The following FBXO47 variants were observed in gnomAD, a reference collection of about 807,000 sequenced individuals.
FBXO47 encodes F-box protein 47, also known as F-box only protein 47.
Under a neutral mutation model 53.9 loss-of-function variants are expected in FBXO47, and 34 were observed. That is an observed-to-expected ratio of 0.63 (90% confidence interval 0.48 to 0.84). FBXO47 has a LOEUF of 0.84. Ranked by LOEUF, FBXO47 falls within the 40% of genes least tolerant of loss-of-function variation. The pLI, the probability that FBXO47 is intolerant of heterozygous loss-of-function variation, is 0.00. For missense variants in FBXO47, 485 were observed against 541.3 expected (o/e 0.90, Z 1.03); for synonymous variants, 165 against 181.6 (o/e 0.91, Z 0.73).
At chr17:38,944,191 ATGTGTGTGTGTGTG>A (rs71141737) in intron 7 of FBXO47, among the ~76,000 whole-genome samples, 138 of 133,700 alleles carry the variant, frequency 1.0e-3, no homozygotes, top group African/African-American at 2.9e-3. Context: ...CAAAAAAAAC[ATGTGTGTGTGTGTG>A]TGTGTGTGTG....
In FBXO47 at chr17:38,944,995, A is replaced by G. The variant is rs1410911177; in HGVS notation, c.758T>C (p.Leu253Pro). The change falls in exon 7 of 11, where the codon CTG becomes CCG. Residue 253 changes from leucine to proline, a missense_variant. Transcript: ENST00000378079. Reference protein sequence around the residue: ...PWPMVNQARLLYIIFGPISPQ... With the variant: ...PWPMVNQARLPYIIFGPISPQ... ...AGATATTGGCCCAAAGATGATATACAGTAATCTTGCCTGATTCACCATTGG... is the reference window on the plus strand; with the variant it reads ...AGATATTGGCCCAAAGATGATATACGGTAATCTTGCCTGATTCACCATTGG... The G allele has an allele frequency of 6.2e-7, 1 of 1,613,992 alleles. No individual in the cohort carries two copies. The highest frequency in any genetic ancestry group is 8.5e-7 in the Non-Finnish European group (1 of 1,180,000).
intron 6 of FBXO47, among the ~76,000 whole-genome samples, chr17:38,946,343 AATATATAAAT>A (rs1390647005): frequency 3.8e-5 from 2 of 52,656 alleles, no homozygotes; most frequent in Admixed American, 6.4e-4. Context: ...AATATATATA[AATATATAAAT>A]ATATATAAAT....
chr17:38,941,620 T>TATATATATATA (rs372467875), intron 9 of FBXO47, among the ~76,000 whole-genome samples: 126 of 115,150 alleles, frequency 1.1e-3, no homozygotes, highest in East Asian at 2.0e-3. Flanking sequence ...AAATATAATA[T>TATATATATATA]TATATATATA....
In FBXO47 at chr17:38,947,058, A is replaced by ATAAATATATG. The variant is rs1567717661; in HGVS notation, c.617-1923_617-1922insCATATATTTA. On this transcript the variant is annotated intron_variant, in intron 6 of 10. Coordinates refer to ENST00000378079, the MANE Select transcript of FBXO47 (RefSeq NM_001008777.3). Reference sequence around the variant, plus strand: ...TATATGTAAATATATAAAAACATATATAAATATATATAAACATATATAAAC... The same window carrying ATAAATATATG: ...TATATGTAAATATATAAAAACATATATAAATATATGTAAATATATATAAACATATATAAAC... 6.4e-4 allele frequency among the ~76,000 whole-genome samples: 89 copies of ATAAATATATG among 138,718 alleles called. 1 individual carries two copies. In the East Asian group the frequency reaches 0.013, roughly 20 times the overall value. 91.0% of individuals were successfully genotyped at this position (138,718 alleles called of 152,430 possible). A position where few individuals can be genotyped will look rare whatever the true frequency, so the allele number is the denominator to read the frequency against.
chr17:38,946,355 T>G, intron 6 of FBXO47, among the ~76,000 whole-genome samples: 1 of 95,874 alleles, frequency 1.0e-5, no homozygotes, highest in Non-Finnish European at 1.8e-5. Flanking sequence ...TATATAAATA[T>G]ATATAAATAT....
At chr17:38,957,148 T>C in intron 4 of FBXO47, 29 bp downstream of exon 4, 1 of 1,391,398 alleles carries the variant, frequency 7.2e-7, no homozygotes, top group Non-Finnish European at 1.0e-6. Context: ...AAATCAAGAT[T>C]GTAAACTAAT....
chr17:38,940,748 T>C (rs902613061), intron 9 of FBXO47, among the ~76,000 whole-genome samples: 2 of 151,856 alleles, frequency 1.3e-5, no homozygotes, highest in African/African-American at 2.4e-5. Context: ...TGACCATAGC[T>C]CACTGCAGCT....
Position 38,938,564 on chromosome 17 carries a change from C to G in FBXO47, c.1243+9G>C. On this transcript the variant is annotated intron_variant, in intron 10 of 10. Transcript: ENST00000378079. ...CGCACACCTGTGCACCAAGTACATT[C>G]CTACTCACCAGACATAATTGATTGC... is the stretch of plus-strand genomic sequence containing the variant. 1 of 1,601,286 alleles carries G rather than the reference C, an allele frequency of 6.2e-7. No homozygotes were observed.
At position 38,945,122 on chromosome 17, in the gene FBXO47, G is replaced by C; in HGVS notation, c.631C>G (p.Leu211Val). ...VCSKPGSAQK[L>V]ELRIRLFCRN... ...CAGAAGAGTCTGATTCTTAACTCCA[G>C]TTTTTGGGCACTTCCTATGAAGACA... The change falls in exon 7 of 11, where the codon CTG becomes GTG. Residue 211 changes from leucine (L) to valine (V), a missense_variant. Coordinates refer to ENST00000378079, the MANE Select transcript of FBXO47 (RefSeq NM_001008777.3). 6.2e-7 allele frequency: 1 copy of C among 1,611,540 alleles called. No homozygotes were observed. Among genetic ancestry groups the C allele is most frequent in the African/African-American group, 1.3e-5 (1 of 74,964 alleles).
At chr17:38,963,148 T>C (rs1479835228) in intron 1 of FBXO47, 97 bp from the exon 2 acceptor site, 2 of 695,434 alleles carry the variant, frequency 2.9e-6, no homozygotes, top group Admixed American at 2.7e-5. Context: ...TAGTACGATA[T>C]GCAATAGCTG....
chr17:38,951,190 CCA>C (rs1353311810), intron 6 of FBXO47, among the ~76,000 whole-genome samples: 2 of 151,892 alleles, frequency 1.3e-5, no homozygotes, highest in Non-Finnish European at 2.9e-5. Flanking sequence ...GGCACCTGGC[CCA>C]CTATTTATTT....
At chr17:38,953,040 GC>G (rs753996876) in intron 5 of FBXO47, among the ~76,000 whole-genome samples, 7 of 151,138 alleles carry the variant, frequency 4.6e-5, no homozygotes, top group Non-Finnish European at 8.8e-5. Context: ...ACTTTGGGAG[GC>G]CGAGGCAAAT....
chr17:38,946,368 AGATATATATAT>A (rs1904833454), intron 6 of FBXO47, among the ~76,000 whole-genome samples: 32 of 91,588 alleles, frequency 3.5e-4, no homozygotes, highest in Non-Finnish European at 4.6e-4. Context: ...ATAAATATAT[AGATATATATAT>A]AAATATATAT....
chr17:38,964,714 G>A (rs1299755923), intron 1 of FBXO47, among the ~76,000 whole-genome samples: 2 of 152,078 alleles, frequency 1.3e-5, no homozygotes, highest in East Asian at 3.9e-4. Context: ...AATAGTCACT[G>A]ATGAATCTTA....
At chr17:38,947,911 C>T (rs1905020505) in intron 6 of FBXO47, among the ~76,000 whole-genome samples, 1 of 151,058 alleles carries the variant, frequency 6.6e-6, no homozygotes, top group African/African-American at 2.4e-5. Flanking sequence ...AATCTGTCTC[C>T]AAAAAAAGGA....
chr17:38,941,805 C>T (rs758473317), intron 9 of FBXO47, among the ~76,000 whole-genome samples: 81 of 151,110 alleles, frequency 5.4e-4, no homozygotes, highest in Admixed American at 1.6e-3. Context: ...TCCTGAGTAG[C>T]TGGGACCACA....
intron 7 of FBXO47, among the ~76,000 whole-genome samples, chr17:38,944,169 G>A (rs887023519): frequency 1.3e-5 from 2 of 150,386 alleles, no homozygotes; most frequent in African/African-American, 4.9e-5. Flanking sequence ...GCAACACAGC[G>A]AGACTCTGTC....
At position 38,955,403 on chromosome 17, in the gene FBXO47, G is replaced by T. The variant is rs1905503726; in HGVS notation, c.430-470C>A. On this transcript the variant is annotated intron_variant, in intron 4 of 10. Transcript: ENST00000378079. ...ATTCCATCTCAAAAAAAAAAAAAAA[G>T]TCTCTACTCTCAAGGAGTTCACAAT... 2.8e-5 allele frequency among the ~76,000 whole-genome samples: 4 copies of T among 144,734 alleles called. No homozygotes were observed. The South Asian group carries it at 8.9e-4, about 32-fold the overall frequency. 95.0% of individuals were successfully genotyped at this position (144,734 alleles called of 152,430 possible).
At chr17:38,940,013 C>A (rs1410409668) in intron 9 of FBXO47, among the ~76,000 whole-genome samples, 2 of 151,760 alleles carry the variant, frequency 1.3e-5, no homozygotes, top group East Asian at 3.8e-4. Context: ...ACTCACATAG[C>A]CAAATAAATA....
Sources: allele counts gnomAD v4.1 joint callset (sites outside exome capture counted in the v4.1 genomes callset), GRCh38; gene constraint gnomAD v4.1.1; transcripts MANE v1.5; gene names NCBI Gene and HGNC (gene_info 2026-07-23, HGNC 2026-07-21).